GRIK3: variants seen among roughly 807,000 people sequenced by gnomAD.
GRIK3 encodes the protein glutamate receptor ionotropic, kainate 3.
A neutral mutation model predicts 102.5 loss-of-function variants in GRIK3; 29 were observed. That is an observed-to-expected ratio of 0.28 (90% CI 0.21 to 0.39). The LOEUF (loss-of-function observed/expected upper bound fraction) is 0.39, where lower values mean the gene tolerates loss of function less well. GRIK3 is among the 10% of genes least tolerant of loss of function. GRIK3 has a pLI of 1.00. For missense variants in GRIK3, 908 were observed against 1,252.4 expected (o/e 0.73, Z 4.15); for synonymous variants, 511 against 504.9 (o/e 1.01, Z -0.16).
intron 13 of GRIK3, among the ~76,000 whole-genome samples, chr1:36,813,599 C>G (rs974951654): frequency 6.6e-6 from 1 of 152,168 alleles, no homozygotes; most frequent in Admixed American, 6.5e-5. Flanking sequence ...GGGTTAATCT[C>G]AGGTCTCCTT....
chr1:36,939,870 A>AC (rs35847889), intron 1 of GRIK3, among the ~76,000 whole-genome samples: 32,601 of 152,088 alleles, frequency 0.21, 3,898 homozygotes, highest in African/African-American at 0.31. Context: ...CACTACCACT[A>AC]CCGTTGTCCC....
intron 11 of GRIK3, among the ~76,000 whole-genome samples, chr1:36,823,525 A>C (rs1642720016): frequency 6.6e-6 from 1 of 151,742 alleles, no homozygotes. Flanking sequence ...CACACAGAAA[A>C]ACCGTGAGAT....
chr1:36,836,685 AAACTTCTTATCTGGCCATCCATAC>A (rs1640383114), intron 10 of GRIK3, among the ~76,000 whole-genome samples: 1 of 152,194 alleles, frequency 6.6e-6, no homozygotes, highest in Non-Finnish European at 1.5e-5. Flanking sequence ...GAGGCAGGGA[AAACTTCTTATCTGGCCATCCATAC>A]TGCAGTGAGA....
chr1:36,985,964 G>A (rs1253983811), intron 1 of GRIK3, among the ~76,000 whole-genome samples: 4 of 152,168 alleles, frequency 2.6e-5, no homozygotes, highest in Non-Finnish European at 5.9e-5. Flanking sequence ...CTTGTAAGGA[G>A]TGTAGGGGCA....
intron 1 of GRIK3, among the ~76,000 whole-genome samples, chr1:36,910,893 T>TG (rs545818601): frequency 2.6e-5 from 4 of 151,702 alleles, no homozygotes; most frequent in Admixed American, 6.6e-5. Flanking sequence ...AGGAGGTGAG[T>TG]GGGGGGGCAT....
chr1:36,940,635 G>A (rs1641708772), intron 1 of GRIK3, among the ~76,000 whole-genome samples: 1 of 152,176 alleles, frequency 6.6e-6, no homozygotes, highest in African/African-American at 2.4e-5. Context: ...CTGCCTCCCG[G>A]GGCACTGCCC....
intron 1 of GRIK3, among the ~76,000 whole-genome samples, chr1:36,920,128 G>T (rs879855810): frequency 3.9e-5 from 6 of 152,318 alleles, no homozygotes; most frequent in Non-Finnish European, 8.8e-5. Context: ...CCTGAAGCTG[G>T]TCGGCCTTGG....
intron 7 of GRIK3, among the ~76,000 whole-genome samples, chr1:36,855,881 G>T (rs1192210038): frequency 2.0e-5 from 3 of 152,234 alleles, no homozygotes; most frequent in Non-Finnish European, 4.4e-5. Flanking sequence ...GTGGGCATCA[G>T]CATTGCCCCC....
At chr1:36,928,552 A>T (rs541701642) in intron 1 of GRIK3, among the ~76,000 whole-genome samples, 2 of 152,336 alleles carry the variant, frequency 1.3e-5, no homozygotes, top group South Asian at 4.1e-4. Context: ...TTAGAACAGC[A>T]TTCTGCTTGC....
chr1:37,021,691 T>C (rs557965162), intron 1 of GRIK3, among the ~76,000 whole-genome samples: 5 of 152,342 alleles, frequency 3.3e-5, no homozygotes, highest in African/African-American at 4.8e-5. Context: ...TGATGTGTCA[T>C]GTTTCCCCAG....
At position 36,850,408 on chromosome 1, in the gene GRIK3, G is replaced by A. The variant is rs1219299395; in HGVS notation, c.1229C>T (p.Pro410Leu). The A allele has an allele frequency of 1.3e-5, 21 of 1,611,458 alleles. No individual in the cohort carries two copies. Among genetic ancestry groups the A allele is most frequent in the Non-Finnish European group, 1.7e-5 (20 of 1,177,682 alleles). The change falls in exon 9 of 16, where the codon CCT (proline) becomes CTT (leucine). Residue 410 changes from proline (P) to leucine (L), a missense_variant. Around this residue, in one of 3 missense-constraint regions of GRIK3, gnomAD observed 585 missense variants for 824.9 expected, o/e 0.71. Coordinates refer to ENST00000373091, the MANE Select transcript of GRIK3 (RefSeq NM_000831.4). This position sits in a 1 kb window ranked among gnomAD's most constrained non-coding sequence, Gnocchi z 4.0. ...DGLEKVGVWS[P>L]ADGLNITEVA... ...CTCAGTGATGTTGAGCCCGTCGGCAGGACTCCACACCCCAACCTGGATGGA... is the reference window on the plus strand; with the variant it reads ...CTCAGTGATGTTGAGCCCGTCGGCAAGACTCCACACCCCAACCTGGATGGA...
At chr1:36,976,831 T>C (rs1166981331) in intron 1 of GRIK3, among the ~76,000 whole-genome samples, 3 of 152,038 alleles carry the variant, frequency 2.0e-5, no homozygotes, top group Non-Finnish European at 2.9e-5. Context: ...GGGGTTAGGG[T>C]GGGCTGATCG....
chr1:36,824,399 C>T (rs1307239415), intron 11 of GRIK3, among the ~76,000 whole-genome samples: 6 of 152,182 alleles, frequency 3.9e-5, no homozygotes, highest in Non-Finnish European at 7.3e-5. Context: ...GCAGGCTCAG[C>T]GGCTGCTGCG....
chr1:36,866,681 A>C (rs1320927931), intron 5 of GRIK3, among the ~76,000 whole-genome samples: 4 of 152,240 alleles, frequency 2.6e-5, no homozygotes, highest in Non-Finnish European at 4.4e-5. Context: ...TATAGATGAG[A>C]AAATGAGGCA....
chr1:36,950,307 G>C (rs1211211291), intron 1 of GRIK3, among the ~76,000 whole-genome samples: 1 of 152,184 alleles, frequency 6.6e-6, no homozygotes, highest in East Asian at 1.9e-4. Flanking sequence ...CATGTCCATT[G>C]AATAACATAA....
At chr1:36,991,504 G>A (rs769961782) in intron 1 of GRIK3, among the ~76,000 whole-genome samples, 1 of 152,202 alleles carries the variant, frequency 6.6e-6, no homozygotes, top group Non-Finnish European at 1.5e-5. Context: ...TCCATGGGAG[G>A]CTGCTGGATA....
At chr1:36,945,198 AT>A (rs769891905) in intron 1 of GRIK3, among the ~76,000 whole-genome samples, 13 of 152,272 alleles carry the variant, frequency 8.5e-5, no homozygotes, top group Non-Finnish European at 1.3e-4. Context: ...AGTGGAACAT[AT>A]TTCTCCTGAT....
At chr1:36,982,434 C>T (rs747575593) in intron 1 of GRIK3, among the ~76,000 whole-genome samples, 3 of 152,192 alleles carry the variant, frequency 2.0e-5, no homozygotes, top group African/African-American at 4.8e-5. Flanking sequence ...CTGAAAGCCT[C>T]GCGTCCTTGC....
At chr1:37,030,547 C>CA (rs1557470059) in intron 1 of GRIK3, among the ~76,000 whole-genome samples, 2 of 113,684 alleles carry the variant, frequency 1.8e-5, no homozygotes, top group African/African-American at 9.1e-5. Context: ...CCCCCACCCC[C>CA]TCCCCCCCCC....
Sources: gnomAD v4.1 joint callset for allele counts (sites outside exome capture counted in the v4.1 genomes callset) on GRCh38, gnomAD v4.1.1 for gene constraint, gnomAD v4.1.1 regional missense constraint, Gnocchi (gnomAD v3.1) non-coding constraint, MANE v1.5 for transcripts, NCBI Gene and HGNC (gene_info 2026-07-23, HGNC 2026-07-21) for gene names.